The following LRBA variants were observed in gnomAD, a reference collection of about 807,000 sequenced individuals.
The protein encoded by LRBA is lipopolysaccharide-responsive and beige-like anchor protein.
In LRBA, 176 loss-of-function variants were observed where a neutral mutation model predicts 330.0. The observed-to-expected ratio is 0.53, with a 90% CI of 0.47 to 0.60. The LOEUF (loss-of-function observed/expected upper bound fraction) is 0.60, where lower values mean the gene tolerates loss of function less well. Among genes scored for constraint, LRBA ranks in the 20% least tolerant of loss-of-function variants. LRBA has a pLI of 0.00. For synonymous variants in LRBA, 1,230 were observed against 1,193.0 expected (o/e 1.03, Z -0.64); for missense variants, 3,259 against 3,444.8 (o/e 0.95, Z 1.35).
intron 32 of LRBA, 69 bp downstream of exon 32, chr4:150,808,251 T>C: frequency 1.0e-6 from 1 of 963,574 alleles, no homozygotes; most frequent in Non-Finnish European, 1.6e-6. Flanking sequence ...CGAAGTAAAA[T>C]AAACCTAGAT....
intron 40 of LRBA, chr4:150,582,836 AAG>A (rs748833323): frequency 1.8e-4 from 97 of 535,596 alleles, no homozygotes; most frequent in Non-Finnish European, 2.1e-4. Context: ...GAGGTTTCGA[AAG>A]AGGGAAAAGG....
chr4:150,588,552 A>G (rs1381671376), intron 39 of LRBA, among the ~76,000 whole-genome samples: 1 of 152,192 alleles, frequency 6.6e-6, no homozygotes, highest in Non-Finnish European at 1.5e-5. Flanking sequence ...AACAACAACC[A>G]GGAGCAAAGA....
rs1732465550 is a variant in LRBA at position 150,321,193 on chromosome 4, G to A, written c.7628C>T (p.Pro2543Leu). 6.2e-7 allele frequency: 1 copy of A among 1,607,064 alleles called. No individual in the cohort carries two copies. Among genetic ancestry groups the A allele is most frequent in the African/African-American group, 1.3e-5 (1 of 74,578 alleles). The change falls in exon 50 of 57, where the codon CCT becomes CTT. Residue 2543 changes from proline to leucine, a missense_variant and splice_region_variant. Physicochemically the swap from Pro to Leu is moderately conservative, Grantham distance 98. Coordinates refer to ENST00000651943, the MANE Select transcript of LRBA (RefSeq NM_001364905.1). The surrounding 1 kb of genome is among the most constrained non-coding windows in gnomAD (Gnocchi z 4.5). Reference protein sequence around the residue: ...LFAVNKWHNLPAHQGAVQDQP... With the variant: ...LFAVNKWHNLLAHQGAVQDQP... Reference sequence around the variant, plus strand: ...TATAATGGTATTTCTTTACTTACCAGGAAGGTTGTGCCATTTGTTCACCGC... The same window carrying A: ...TATAATGGTATTTCTTTACTTACCAAGAAGGTTGTGCCATTTGTTCACCGC...
intron 2 of LRBA, among the ~76,000 whole-genome samples, chr4:150,945,621 T>C (rs1482703258): frequency 6.6e-6 from 1 of 152,188 alleles, no homozygotes; most frequent in Non-Finnish European, 1.5e-5. Flanking sequence ...GTGTAGGTGA[T>C]AAATAATTGT....
chr4:150,720,954 A>G (rs1728852872), intron 36 of LRBA: 1 of 448,588 alleles, frequency 2.2e-6, no homozygotes, highest in South Asian at 1.8e-5. Context: ...AGTGTTACCC[A>G]ACAATATTAA....
chr4:150,731,058 C>T, intron 36 of LRBA, among the ~76,000 whole-genome samples: 1 of 152,192 alleles, frequency 6.6e-6, no homozygotes, highest in East Asian at 1.9e-4. Flanking sequence ...AATCATTGAT[C>T]ATCACAGAAA....
At chr4:150,299,384 T>C (rs1324719611) in intron 53 of LRBA, among the ~76,000 whole-genome samples, 2 of 152,068 alleles carry the variant, frequency 1.3e-5, no homozygotes, top group African/African-American at 4.8e-5. Context: ...AACTATCTGG[T>C]ATACAGGAAA....
chr4:150,897,275 T>C lies in LRBA; in HGVS notation c.2004+464A>G, dbSNP rs867107031. On this transcript the variant is annotated intron_variant, in intron 15 of 56. Transcript: ENST00000651943. The stretch of plus-strand genomic sequence containing the variant: ...TCTTATAAAACCAAAATGCCTTTTT[T>C]AGAATATTAAATTTTACTTTACCTG... 9.2e-5 allele frequency among the ~76,000 whole-genome samples: 14 copies of C among 152,174 alleles called. No individual in the cohort carries two copies. In the South Asian group the frequency reaches 2.7e-3, roughly 29 times the overall value.
intron 2 of LRBA, among the ~76,000 whole-genome samples, chr4:150,969,830 T>A (rs933634715): frequency 6.6e-6 from 1 of 152,192 alleles, no homozygotes; most frequent in African/African-American, 2.4e-5. Context: ...ATTGTTGAGA[T>A]AACAAAGGAT....
intron 40 of LRBA, among the ~76,000 whole-genome samples, chr4:150,501,535 C>A (rs1760264624): frequency 6.6e-6 from 1 of 151,824 alleles, no homozygotes; most frequent in South Asian, 2.1e-4. Flanking sequence ...TCACTTGGGC[C>A]TGGGATGCAG....
chr4:150,917,941 TGAA>T (rs981225835), intron 5 of LRBA, among the ~76,000 whole-genome samples: 21 of 149,872 alleles, frequency 1.4e-4, no homozygotes, highest in Middle Eastern at 3.5e-3. Flanking sequence ...AAAAAAAAAA[TGAA>T]GAAGAACAAA....
chr4:150,463,253 G>A (rs889375736), intron 44 of LRBA, among the ~76,000 whole-genome samples: 6 of 151,884 alleles, frequency 4.0e-5, no homozygotes, highest in African/African-American at 9.7e-5. Flanking sequence ...GTTGTAAGGC[G>A]GTAGAATGTT....
At chr4:150,485,199 A>G (rs1266371683) in intron 42 of LRBA, among the ~76,000 whole-genome samples, 1 of 151,948 alleles carries the variant, frequency 6.6e-6, no homozygotes, top group East Asian at 1.9e-4. Flanking sequence ...CCTGTTCTCT[A>G]AATTACTGAC....
chr4:150,409,986 G>A (rs891376833), intron 47 of LRBA, among the ~76,000 whole-genome samples: 6 of 152,040 alleles, frequency 3.9e-5, no homozygotes, highest in African/African-American at 7.2e-5. Context: ...CAGCCACCAC[G>A]GCTGTTTACA....
At chr4:150,853,493 C>T (rs902663484) in intron 22 of LRBA, among the ~76,000 whole-genome samples, 1 of 152,142 alleles carries the variant, frequency 6.6e-6, no homozygotes, top group African/African-American at 2.4e-5. Flanking sequence ...CAGCCCTTCC[C>T]CCAAAGGTTA....
At chr4:150,761,895 T>C in intron 34 of LRBA, 48 bp from the exon 35 acceptor site, 1 of 928,576 alleles carries the variant, frequency 1.1e-6, no homozygotes, top group Non-Finnish European at 1.7e-6. Context: ...ACTCAGTAGG[T>C]TCTTTCTTTT....
At chr4:150,374,245 T>C (rs1391992421) in intron 47 of LRBA, among the ~76,000 whole-genome samples, 2 of 152,218 alleles carry the variant, frequency 1.3e-5, no homozygotes, top group African/African-American at 4.8e-5. Context: ...TTATTTTCTT[T>C]AATAATAAAA....
chr4:150,985,776 G>A (rs1741394812), intron 2 of LRBA, among the ~76,000 whole-genome samples: 1 of 152,076 alleles, frequency 6.6e-6, no homozygotes. Flanking sequence ...GGGATTACAG[G>A]CGTGAGCCAC....
At chr4:150,618,869 TATAC>T (rs974893837) in intron 37 of LRBA, among the ~76,000 whole-genome samples, 1 of 129,554 alleles carries the variant, frequency 7.7e-6, no homozygotes, top group African/African-American at 2.6e-5. Context: ...TATATATATA[TATAC>T]ACACATACAC....
Sources: allele counts gnomAD v4.1 joint callset (sites outside exome capture counted in the v4.1 genomes callset), GRCh38; gene constraint gnomAD v4.1.1; non-coding constraint Gnocchi (gnomAD v3.1); transcripts MANE v1.5; gene names NCBI Gene and HGNC (gene_info 2026-07-23, HGNC 2026-07-21).